Variants in MUCL3 observed in about 807,000 individuals in gnomAD.
MUCL3 encodes mucin like 3.
MUCL3 carries 42 observed loss-of-function variants against 70.2 expected under a neutral mutation model. The ratio of observed to expected loss-of-function variants is 0.60; its 90% confidence interval spans 0.47 to 0.77. MUCL3 has a LOEUF of 0.77. MUCL3 is among the 30% of genes least tolerant of loss of function. The pLI is 0.00. For synonymous variants in MUCL3, 522 were observed against 647.0 expected (o/e 0.81, Z 2.93); for missense variants, 1,429 against 1,670.0 (o/e 0.86, Z 2.52).
At chr6:30,941,547 C>T (rs1014315010) in intron 1 of MUCL3, among the ~76,000 whole-genome samples, 21 of 150,368 alleles carry the variant, frequency 1.4e-4, no homozygotes, top group African/African-American at 4.7e-4. Flanking sequence ...GCAGCCTCTG[C>T]CTCCCGGGTT....
chr6:30,943,159 C>G, intron 1 of MUCL3, among the ~76,000 whole-genome samples: 1 of 152,108 alleles, frequency 6.6e-6, no homozygotes, highest in Non-Finnish European at 1.5e-5. Context: ...GTGAGGAGAC[C>G]CTGACGTTTG....
In MUCL3 at chr6:30,949,454, A is replaced by C. The variant is rs1582257782; in HGVS notation, c.990A>C (p.Thr330=). 1 of 1,510,416 alleles carries C rather than the reference A, an allele frequency of 6.6e-7. No individual in the cohort carries two copies. Among genetic ancestry groups the C allele is most frequent in the Non-Finnish European group, 8.9e-7 (1 of 1,121,800 alleles). The allele number at this position is 1,510,416 out of a possible 1,614,324, so 93.6% of individuals were successfully genotyped here. A position where few individuals can be genotyped will look rare whatever the true frequency, so the allele number is the denominator to read the frequency against. ...AGCCTATAGAAAATAGAGAAAGGACAGCCAATGAGAACACCGCACCATTCC... is the reference window on the plus strand; with the variant it reads ...AGCCTATAGAAAATAGAGAAAGGACCGCCAATGAGAACACCGCACCATTCC... The part of the protein sequence containing the change: ...PAEPIENRER[T]ANENTAPFPA... Residue 330 remains threonine (T), a synonymous_variant, in exon 2 of 3, where the codon ACA becomes ACC. Transcript: ENST00000462446.
rs2150618573 is a variant in MUCL3 at position 30,950,234 on chromosome 6, C to T, written c.1770C>T (p.Ala590=). The T allele has an allele frequency of 1.3e-6, 2 of 1,550,788 alleles. No homozygotes were observed. The highest frequency in any genetic ancestry group is 4.9e-5 in the East Asian group (2 of 40,818). Residue 590 remains alanine (A), a synonymous_variant, in exon 2 of 3, where the codon GCC becomes GCT. Transcript: ENST00000462446. ...PTENGQRTPF[A]NEKTTSSSAE... ...AAAATGGACAAAGGACCCCATTTGC[C>T]AATGAGAAGACCACATCATCCTCAG...
chr6:30,952,060 G>A lies in MUCL3; in HGVS notation c.3596G>A (p.Gly1199Glu), dbSNP rs1760735586. The change falls in exon 2 of 3, where the codon GGG (glycine) becomes GAG (glutamate). Residue 1199 changes from glycine (G) to glutamate (E), a missense_variant. Transcript: ENST00000462446. ...TCAGAGAAGACCATATGCACCAAAG[G>A]GAAAAACACACCAGTCCCAGAAAAG... The part of the protein sequence containing the change: ...LYSEKTICTK[G>E]KNTPVPEKPT... The A allele has an allele frequency of 6.2e-7, 1 of 1,606,838 alleles. No homozygotes were observed. Among genetic ancestry groups the A allele is most frequent in the African/African-American group, 1.4e-5 (1 of 73,178 alleles).
chr6:30,953,265 A>C lies in MUCL3; in HGVS notation c.*148A>C. 1 of 1,254,912 alleles carries C rather than the reference A, an allele frequency of 8.0e-7. No homozygotes were observed. Among genetic ancestry groups the C allele is most frequent in the Non-Finnish European group, 1.1e-6 (1 of 935,330 alleles). The allele number at this position is 1,254,912 out of a possible 1,614,324, so 77.7% of individuals were successfully genotyped here. On this transcript the variant is annotated 3_prime_UTR_variant, in exon 3 of 3. Coordinates refer to ENST00000462446, the MANE Select transcript of MUCL3 (RefSeq NM_080870.4). ...TATTAACCCTTCATCTGTTCTTGAA[A>C]CTGGTTGGGGAATGAGGTGATAAGC...
chr6:30,943,885 C>T (rs1312312140), intron 1 of MUCL3, among the ~76,000 whole-genome samples: 3 of 150,624 alleles, frequency 2.0e-5, no homozygotes, highest in East Asian at 1.9e-4. Context: ...AGACAGGTCT[C>T]GCTATGTTGC....
chr6:30,952,125 A>G lies in MUCL3; in HGVS notation c.3661A>G (p.Thr1221Ala). The change falls in exon 2 of 3, where the codon ACC (threonine) becomes GCC (alanine). Residue 1221 changes from threonine (T) to alanine (A), a missense_variant. Thr to Ala is a moderately conservative substitution (Grantham distance 58, BLOSUM62 0). Transcript: ENST00000462446. Reference protein sequence around the residue: ...NLGNTTLTTETIKAPVKSTEN... With the variant: ...NLGNTTLTTEAIKAPVKSTEN... ...GGGGAACACCACACTGACCACTGAG[A>G]CCATAAAAGCCCCAGTAAAGTCCAC... is the stretch of plus-strand genomic sequence containing the variant. 6.2e-7 allele frequency: 1 copy of G among 1,612,700 alleles called. No individual in the cohort carries two copies. The highest frequency in any genetic ancestry group is 1.3e-5 in the African/African-American group (1 of 74,788).
intron 2 of MUCL3, 146 bp from the exon 3 acceptor site, chr6:30,952,825 G>GCTGGGACTCATTGTATTGGAC: frequency 8.8e-7 from 1 of 1,134,620 alleles, no homozygotes; most frequent in South Asian, 1.6e-5. Flanking sequence ...TGGAGATGGA[G>GCTGGGACTCATTGTATTGGAC]CTGGGACTCA....
Position 30,951,484 on chromosome 6 carries a change from G to T in MUCL3, c.3020G>T (p.Arg1007Met). The change falls in exon 2 of 3, where the codon AGG (arginine) becomes ATG (methionine). Residue 1007 changes from arginine (R) to methionine (M), a missense_variant. Transcript: ENST00000462446. ...SPTESTEHGE[R>M]TANEKTTPSP... Reference sequence around the variant, plus strand: ...ACAGAGTCTACAGAACATGGAGAAAGGACAGCCAATGAGAAGACCACACCA... The same window carrying T: ...ACAGAGTCTACAGAACATGGAGAAATGACAGCCAATGAGAAGACCACACCA... 6.5e-7 allele frequency: 1 copy of T among 1,544,976 alleles called. No homozygotes were observed. The highest frequency in any genetic ancestry group is 2.5e-5 in the East Asian group (1 of 40,450).
chr6:30,942,801 A>G (rs1795633150), intron 1 of MUCL3, among the ~76,000 whole-genome samples: 1 of 151,906 alleles, frequency 6.6e-6, no homozygotes, highest in South Asian at 2.1e-4. Context: ...CACTCCATAC[A>G]CAGTCGCTCT....
Position 30,950,198 on chromosome 6 carries a change from A to G in MUCL3, c.1734A>G (p.Ala578=), listed in dbSNP as rs758891420. The change falls in exon 2 of 3, where the codon GCA becomes GCG. Residue 578 remains alanine (A), a synonymous_variant. Coordinates refer to ENST00000462446, the MANE Select transcript of MUCL3 (RefSeq NM_080870.4). Reference sequence around the variant, plus strand: ...ATGAGAAGACCACGCCATCTCTAGCAGAGCCTACAGAAAATGGACAAAGGA... The same window carrying G: ...ATGAGAAGACCACGCCATCTCTAGCGGAGCCTACAGAAAATGGACAAAGGA... ...LANEKTTPSL[A]EPTENGQRTP... 6 of 1,550,296 alleles carry G rather than the reference A, an allele frequency of 3.9e-6. No individual in the cohort carries two copies. In the South Asian group the frequency reaches 7.1e-5, roughly 18 times the overall value.
At position 30,951,762 on chromosome 6, in the gene MUCL3, TCCC is replaced by T. The variant is rs1482587132; in HGVS notation, c.3299_3301del (p.Ser1100del). On this transcript the variant is annotated inframe_deletion, in exon 2 of 3. Transcript: ENST00000462446. Reference sequence around the variant, plus strand: ...GTCGGCCAATGAGAAGATCACACCATCCCTAGCAAAGCCTACAGAACATGGAGA... The same window carrying T: ...GTCGGCCAATGAGAAGATCACACCATTAGCAAAGCCTACAGAACATGGAGA... The T allele has an allele frequency of 1.3e-6, 2 of 1,553,444 alleles. No homozygotes were observed. The highest frequency in any genetic ancestry group is 3.9e-5 in the Admixed American group (2 of 50,982).
chr6:30,949,030 T>C lies in MUCL3; in HGVS notation c.566T>C (p.Leu189Ser). 1 of 1,551,704 alleles carries C rather than the reference T, an allele frequency of 6.4e-7. No individual in the cohort carries two copies. Among genetic ancestry groups the C allele is most frequent in the South Asian group, 1.2e-5 (1 of 84,048 alleles). ...TRKSDKTGRP[L>S]EKSMSTLDKT... ...AAATCAGATAAAACTGGAAGACCTT[T>C]GGAAAAGTCCATGAGTACTTTGGAT... Residue 189 changes from leucine (L) to serine (S), a missense_variant, in exon 2 of 3, where the codon TTG (leucine) becomes TCG (serine). Transcript: ENST00000462446.
At position 30,948,753 on chromosome 6, in the gene MUCL3, G is replaced by A. The variant is rs1252121038; in HGVS notation, c.289G>A (p.Asp97Asn). Reference sequence around the variant, plus strand: ...CACCACACGCCATTCTAAGCCAACTGACAAGCCTACAGGCAACTCCAAAAC... The same window carrying A: ...CACCACACGCCATTCTAAGCCAACTAACAAGCCTACAGGCAACTCCAAAAC... Reference protein sequence around the residue: ...CNTTRHSKPTDKPTGNSKTID... With the variant: ...CNTTRHSKPTNKPTGNSKTID... The change falls in exon 2 of 3, where the codon GAC becomes AAC. Residue 97 changes from aspartate (D) to asparagine (N), a missense_variant. By Grantham distance (23) the Asp-to-Asn change is conservative (BLOSUM62 1). Coordinates refer to ENST00000462446, the MANE Select transcript of MUCL3 (RefSeq NM_080870.4). 1.9e-6 allele frequency: 3 copies of A among 1,551,430 alleles called. No homozygotes were observed. Among genetic ancestry groups the A allele is most frequent in the Non-Finnish European group, 2.6e-6 (3 of 1,146,966 alleles).
In MUCL3 at chr6:30,951,630, A is replaced by G; in HGVS notation, c.3166A>G (p.Thr1056Ala). ...EMTPSANENT[T>A]PSPVKPTEHG... ...GACCCCATCGGCCAATGAGAACACC[A>G]CACCATCCCCAGTAAAGCCTACAGA... Residue 1056 changes from threonine to alanine, a missense_variant, in exon 2 of 3, where the codon ACA becomes GCA. Transcript: ENST00000462446. 6.5e-7 allele frequency: 1 copy of G among 1,548,242 alleles called. No homozygotes were observed. The highest frequency in any genetic ancestry group is 8.7e-7 in the Non-Finnish European group (1 of 1,143,462).
rs1185814092 is a variant in MUCL3, at chr6:30,949,913, A to G, written c.1449A>G (p.Arg483=). ...CCCCAGTAGAGCCTACAGAAAATAG[A>G]GAAACAACAGCCAATGAGAAGACCA... The part of the protein sequence containing the change: ...TLSPVEPTEN[R]ETTANEKTTP... Residue 483 remains arginine (R), a synonymous_variant, in exon 2 of 3, where the codon AGA becomes AGG. Coordinates refer to ENST00000462446, the MANE Select transcript of MUCL3 (RefSeq NM_080870.4). 1 of 1,550,680 alleles carries G rather than the reference A, an allele frequency of 6.4e-7. No individual in the cohort carries two copies. The highest frequency in any genetic ancestry group is 2.4e-5 in the East Asian group (1 of 40,856).
rs186208894 is a variant in MUCL3 at position 30,949,540 on chromosome 6, C to G, written c.1076C>G (p.Ala359Gly). The change falls in exon 2 of 3, where the codon GCA becomes GGA. Residue 359 changes from alanine (A) to glycine (G), a missense_variant. Physicochemically the swap from Ala to Gly is moderately conservative, Grantham distance 60. Coordinates refer to ENST00000462446, the MANE Select transcript of MUCL3 (RefSeq NM_080870.4). The stretch of plus-strand genomic sequence containing the variant: ...AATGAGAATACCACACTATTCCCAG[C>G]AGAGCCTACAGAACATGGAGAAAGG... ...TANENTTLFP[A>G]EPTEHGERTA... The G allele has an allele frequency of 6.4e-7, 1 of 1,551,182 alleles. No individual in the cohort carries two copies. Among genetic ancestry groups the G allele is most frequent in the Non-Finnish European group, 8.7e-7 (1 of 1,146,894 alleles).
rs572290752 is a variant in MUCL3 at position 30,941,103 on chromosome 6, C to T, written c.82+22C>T. ...GCAGGTAAGATGCCCACAGGGGATA[C>T]AGAAGACAGAAACAGCTTGTTTCTT... On this transcript the variant is annotated intron_variant, in intron 1 of 2. Coordinates refer to ENST00000462446, the MANE Select transcript of MUCL3 (RefSeq NM_080870.4). 37 of 1,547,472 alleles carry T rather than the reference C, an allele frequency of 2.4e-5. No homozygotes were observed. The African/African-American group carries it at 3.4e-4, about 14-fold the overall frequency.
Position 30,949,002 on chromosome 6 carries a change from A to G in MUCL3, c.538A>G (p.Arg180Gly). The change falls in exon 2 of 3, where the codon AGA becomes GGA. Residue 180 changes from arginine to glycine, a missense_variant. By Grantham distance (125) the Arg-to-Gly change is moderately radical. Coordinates refer to ENST00000462446, the MANE Select transcript of MUCL3 (RefSeq NM_080870.4). ...CACAACAGGCAAATCAACGGTAACA[A>G]GAAAATCAGATAAAACTGGAAGACC... ...KSTTGKSTVT[R>G]KSDKTGRPLE... The G allele has an allele frequency of 6.4e-7, 1 of 1,551,734 alleles. No individual in the cohort carries two copies. The highest frequency in any genetic ancestry group is 8.7e-7 in the Non-Finnish European group (1 of 1,147,004).
Sources: gnomAD v4.1 joint callset for allele counts (sites outside exome capture counted in the v4.1 genomes callset) on GRCh38, gnomAD v4.1.1 for gene constraint, MANE v1.5 for transcripts, NCBI Gene and HGNC (gene_info 2026-07-23, HGNC 2026-07-21) for gene names.